Variants in OCA2 observed in about 807,000 individuals in gnomAD.
OCA2 encodes OCA2 melanosomal transmembrane protein.
OCA2 carries 77 observed loss-of-function variants against 100.2 expected under a neutral mutation model. That is an observed-to-expected ratio of 0.77 (90% confidence interval 0.64 to 0.93). The LOEUF (loss-of-function observed/expected upper bound fraction) is 0.93, where lower values mean the gene tolerates loss of function less well. OCA2 is among the 40% of genes least tolerant of loss of function. The pLI is 0.00. For synonymous variants in OCA2, 432 were observed against 439.2 expected (o/e 0.98, Z 0.21); for missense variants, 1,062 against 1,089.1 (o/e 0.98, Z 0.35).
chr15:27,990,703 A>C (rs2041528183), intron 9 of OCA2, 56 bp from the exon 10 acceptor site: 2 of 1,486,390 alleles, frequency 1.3e-6, no homozygotes, highest in African/African-American at 2.7e-5. Flanking sequence ...GTTAGCACAC[A>C]CGAAAGCCTG....
At chr15:27,937,137 A>T (rs2039484162) in intron 18 of OCA2, among the ~76,000 whole-genome samples, 1 of 152,150 alleles carries the variant, frequency 6.6e-6, no homozygotes, top group Non-Finnish European at 1.5e-5. Flanking sequence ...CAGAGAGTAA[A>T]TGTGCCTGTT....
At chr15:27,945,019 C>G (rs2039782247) in intron 18 of OCA2, among the ~76,000 whole-genome samples, 1 of 152,186 alleles carries the variant, frequency 6.6e-6, no homozygotes, top group Admixed American at 6.5e-5. Context: ...TTTATGTTCA[C>G]CACACTAGCC....
chr15:28,082,361 C>A (rs1333724196), intron 1 of OCA2, among the ~76,000 whole-genome samples: 3 of 152,204 alleles, frequency 2.0e-5, no homozygotes, highest in Admixed American at 6.5e-5. Context: ...GTAAATCTTG[C>A]TGCTGCTCAC....
intron 19 of OCA2, among the ~76,000 whole-genome samples, chr15:27,875,601 G>A (rs11858866): frequency 0.016 from 2,390 of 152,160 alleles, 54 homozygotes; most frequent in African/African-American, 0.05. Context: ...AATGTGGGAA[G>A]AACTGCACAC....
Position 27,999,018 on chromosome 15 carries a change from G to A in OCA2, c.1045-8371C>T, listed in dbSNP as rs560313693. Among the ~76,000 whole-genome samples the A allele has an allele frequency of 3.9e-3, 588 of 151,954 alleles. 1 individual carries two copies. Among genetic ancestry groups the A allele is most frequent in the Middle Eastern group, 0.02 (6 of 294 alleles). On this transcript the variant is annotated intron_variant, in intron 9 of 23. Transcript: ENST00000354638. Reference sequence around the variant, plus strand: ...GAACAATGAGAACACATGGACACAGGAAGGGGAACATCACACTCTGGGGAC... The same window carrying A: ...GAACAATGAGAACACATGGACACAGAAAGGGGAACATCACACTCTGGGGAC...
At position 27,997,790 on chromosome 15, in the gene OCA2, T is replaced by C. The variant is rs1270418377; in HGVS notation, c.1045-7143A>G. On this transcript the variant is annotated intron_variant, in intron 9 of 23. Coordinates refer to ENST00000354638, the MANE Select transcript of OCA2 (RefSeq NM_000275.3). ...GGGCAGTATGGCCATTTTCACGATATTGATTCTTCCTACCCATGAGCATGG... is the reference window on the plus strand; with the variant it reads ...GGGCAGTATGGCCATTTTCACGATACTGATTCTTCCTACCCATGAGCATGG... 2.3e-5 allele frequency among the ~76,000 whole-genome samples: 3 copies of C among 131,390 alleles called. No individual in the cohort carries two copies. The East Asian group carries it at 6.1e-4, about 27-fold the overall frequency. The allele number at this position is 131,390 out of a possible 152,430, so 86.2% of individuals were successfully genotyped here.
intron 1 of OCA2, among the ~76,000 whole-genome samples, chr15:28,085,640 C>G (rs1020950152): frequency 7.9e-5 from 12 of 152,090 alleles, no homozygotes; most frequent in African/African-American, 2.9e-4. Flanking sequence ...TACAGTGGAG[C>G]CCACCTGCTC....
chr15:27,756,987 C>G (rs1443846098), intron 23 of OCA2, among the ~76,000 whole-genome samples: 1 of 152,204 alleles, frequency 6.6e-6, no homozygotes, highest in Non-Finnish European at 1.5e-5. Flanking sequence ...AGAACTGATG[C>G]AATCACTCAG....
At chr15:28,045,804 C>T (rs1204456297) in intron 2 of OCA2, among the ~76,000 whole-genome samples, 2 of 152,212 alleles carry the variant, frequency 1.3e-5, no homozygotes, top group Admixed American at 6.5e-5. Flanking sequence ...CAGTTTCCTC[C>T]AAACTCATAT....
the OCA2 span, among the ~76,000 whole-genome samples, chr15:27,728,396 CTT>C: frequency 4.7e-5 from 7 of 149,968 alleles, no homozygotes; most frequent in African/African-American, 1.7e-4. Flanking sequence ...ATCTTACCCC[CTT>C]TTTTTTTTCT....
intron 4 of OCA2, among the ~76,000 whole-genome samples, chr15:28,026,080 G>A (rs925206125): frequency 6.6e-5 from 10 of 152,146 alleles, no homozygotes; most frequent in African/African-American, 1.4e-4. Context: ...TTCTTTCTAC[G>A]TAACTGACAT....
At chr15:27,910,221 A>G (rs577428452) in intron 19 of OCA2, among the ~76,000 whole-genome samples, 1 of 152,354 alleles carries the variant, frequency 6.6e-6, no homozygotes, top group Non-Finnish European at 1.5e-5. Flanking sequence ...GACTAGGAAA[A>G]TGGCCACACT....
At chr15:28,022,386 A>ACT in intron 6 of OCA2, 115 bp downstream of exon 6, 1 of 748,194 alleles carries the variant, frequency 1.3e-6, no homozygotes, top group Non-Finnish European at 2.3e-6. Context: ...ACAAAATTCG[A>ACT]GTGGTAATGG....
At position 28,018,565 on chromosome 15, in the gene OCA2, A is replaced by G; in HGVS notation, c.647-8T>C. ...GGCTGCTAAGGTTCACGGCTCGGAG[A>G]GTGTCAAGGAGAACCACAAGGCAGA... On this transcript the variant is annotated splice_polypyrimidine_tract_variant and splice_region_variant and intron_variant, in intron 6 of 23. Transcript: ENST00000354638. The G allele has an allele frequency of 6.2e-7, 1 of 1,611,282 alleles. No individual in the cohort carries two copies. Among genetic ancestry groups the G allele is most frequent in the Non-Finnish European group, 8.5e-7 (1 of 1,179,378 alleles).
rs1566985803 is a variant in OCA2 at position 27,814,931 on chromosome 15, GATAGATAGATAGAT to G, written c.2432+30014_2432+30027del. On this transcript the variant is annotated intron_variant, in intron 23 of 23. Transcript: ENST00000354638. ...AGATAGATAGATAGATAGATAGATA[GATAGATAGATAGAT>G]ACAGAGATATATATATATATATCTT... Among the ~76,000 whole-genome samples, 367 of 149,806 alleles carry G rather than the reference GATAGATAGATAGAT, an allele frequency of 2.4e-3. 2 individuals carry two copies. The highest frequency in any genetic ancestry group is 9.0e-3 in the South Asian group (42 of 4,658).
intron 21 of OCA2, among the ~76,000 whole-genome samples, chr15:27,870,370 G>A (rs1387439188): frequency 1.3e-5 from 2 of 152,350 alleles, no homozygotes; most frequent in African/African-American, 4.8e-5. Context: ...GGACCCCAGA[G>A]ACTTGTGTGC....
At chr15:27,979,849 G>C (rs1289621785) in intron 14 of OCA2, among the ~76,000 whole-genome samples, 1 of 144,234 alleles carries the variant, frequency 6.9e-6, no homozygotes, top group African/African-American at 2.6e-5. Flanking sequence ...ACAAGCACGT[G>C]CCACCATGCC....
At chr15:27,864,111 T>C (rs1036560844) in intron 21 of OCA2, among the ~76,000 whole-genome samples, 7 of 152,124 alleles carry the variant, frequency 4.6e-5, no homozygotes, top group Admixed American at 2.0e-4. Context: ...GGGCATCCAT[T>C]GTGCACCTGT....
At chr15:28,073,177 G>A (rs2141818830) in intron 2 of OCA2, among the ~76,000 whole-genome samples, 1 of 152,328 alleles carries the variant, frequency 6.6e-6, no homozygotes, top group Non-Finnish European at 1.5e-5. Flanking sequence ...ACTTTGGGAG[G>A]CGGAGGTGGG....
Sources: allele counts gnomAD v4.1 joint callset (sites outside exome capture counted in the v4.1 genomes callset), GRCh38; gene constraint gnomAD v4.1.1; transcripts MANE v1.5; gene names NCBI Gene and HGNC (gene_info 2026-07-23, HGNC 2026-07-21).